PALLD: variants seen among roughly 807,000 people sequenced by gnomAD.
The protein encoded by PALLD is palladin, cytoskeletal associated protein, also known as palladin.
Under a neutral mutation model 123.5 loss-of-function variants are expected in PALLD, and 61 were observed. That is an observed-to-expected ratio of 0.49 (90% CI 0.40 to 0.61). The LOEUF is 0.61. Ranked by LOEUF, PALLD falls within the 20% of genes least tolerant of loss-of-function variation. The pLI is 0.00. For missense variants in PALLD, 1,273 were observed against 1,377.0 expected (o/e 0.92, Z 1.20); for synonymous variants, 465 against 496.4 (o/e 0.94, Z 0.84).
At chr4:168,923,660 G>A (rs1762020418) in intron 18 of PALLD, among the ~76,000 whole-genome samples, 1 of 151,784 alleles carries the variant, frequency 6.6e-6, no homozygotes, top group Non-Finnish European at 1.5e-5. Context: ...ATACAAAGTG[G>A]AATTTGTAAT....
chr4:168,678,454 G>T (rs538947487), intron 3 of PALLD, among the ~76,000 whole-genome samples: 1 of 152,272 alleles, frequency 6.6e-6, no homozygotes, highest in South Asian at 2.1e-4. Flanking sequence ...AAACAAGAAC[G>T]CTGGGAGTTC....
intron 10 of PALLD, among the ~76,000 whole-genome samples, chr4:168,845,705 T>C (rs1355346484): frequency 6.6e-6 from 1 of 152,070 alleles, no homozygotes; most frequent in Non-Finnish European, 1.5e-5. Flanking sequence ...GTTGTTAGAG[T>C]TTAAGAGATT....
intron 3 of PALLD, among the ~76,000 whole-genome samples, chr4:168,679,490 GTGGGGTGTGTGTGTTTGT>G (rs1781326402): frequency 7.8e-6 from 1 of 127,588 alleles, no homozygotes; most frequent in South Asian, 2.6e-4. Flanking sequence ...GTGGTGTGTG[GTGGGGTGTGTGTGTTTGT>G]GTGTGGTGGG....
chr4:168,884,348 C>G (rs1753048630), intron 10 of PALLD, among the ~76,000 whole-genome samples: 1 of 152,200 alleles, frequency 6.6e-6, no homozygotes. Context: ...CCTCTTTCCT[C>G]AGGGTTCACA....
chr4:168,699,378 C>T (rs1783459092), intron 8 of PALLD, among the ~76,000 whole-genome samples: 1 of 152,128 alleles, frequency 6.6e-6, no homozygotes, highest in Non-Finnish European at 1.5e-5. Flanking sequence ...TGCACCCAGC[C>T]TCCTGTGCAA....
chr4:168,925,038 AGCAGGGATTGTGTCCTGTACT>A lies in PALLD; in HGVS notation c.3321_3341del (p.Gly1108_Ala1114del). 1 of 1,614,140 alleles carries A rather than the reference AGCAGGGATTGTGTCCTGTACT, an allele frequency of 6.2e-7. No individual in the cohort carries two copies. Among genetic ancestry groups the A allele is most frequent in the Non-Finnish European group, 8.5e-7 (1 of 1,179,984 alleles). On this transcript the variant is annotated inframe_deletion, in exon 20 of 22. Coordinates refer to ENST00000505667, the MANE Select transcript of PALLD (RefSeq NM_001166108.2). ...GGTATACTGTGTCAGCCAAGAATGA[AGCAGGGATTGTGTCCTGTACT>A]GCCAGGCTGGACGTTTACAGTGAGT...
chr4:168,776,127 C>T (rs540708223), intron 10 of PALLD, among the ~76,000 whole-genome samples: 40 of 152,272 alleles, frequency 2.6e-4, no homozygotes, highest in Non-Finnish European at 4.6e-4. Flanking sequence ...ATTTGAGGAA[C>T]GTTGACATCT....
intron 2 of PALLD, among the ~76,000 whole-genome samples, chr4:168,608,897 T>A (rs567343192): frequency 6.6e-6 from 1 of 151,164 alleles, no homozygotes. Flanking sequence ...ACTGGAATCA[T>A]TGCAGTTTTC....
intron 2 of PALLD, among the ~76,000 whole-genome samples, chr4:168,610,390 TA>T (rs1773613242): frequency 6.6e-6 from 1 of 152,210 alleles, no homozygotes; most frequent in Non-Finnish European, 1.5e-5. Context: ...TCTCTGGGCT[TA>T]ATCACTTCAT....
At chr4:168,497,815 A>C (rs926587312) in intron 1 of PALLD, among the ~76,000 whole-genome samples, 5 of 152,230 alleles carry the variant, frequency 3.3e-5, no homozygotes, top group African/African-American at 1.2e-4. Context: ...AGTCCAGTCA[A>C]GTTTAAACAT....
intron 10 of PALLD, among the ~76,000 whole-genome samples, chr4:168,873,765 C>T (rs1751385929): frequency 6.6e-6 from 1 of 152,218 alleles, no homozygotes; most frequent in South Asian, 2.1e-4. Context: ...ATTACTTGAC[C>T]TCACTAACTG....
chr4:168,543,277 G>C (rs1213183383), intron 2 of PALLD, among the ~76,000 whole-genome samples: 4 of 151,682 alleles, frequency 2.6e-5, no homozygotes, highest in African/African-American at 9.7e-5. Context: ...AAGTAATTAG[G>C]ATAACACATG....
intron 2 of PALLD, among the ~76,000 whole-genome samples, chr4:168,549,276 A>T (rs1203576332): frequency 6.6e-6 from 1 of 152,130 alleles, no homozygotes; most frequent in Non-Finnish European, 1.5e-5. Context: ...AAAAAAAAAA[A>T]AAATTAGTAT....
At chr4:168,526,061 T>C (rs2149468123) in intron 2 of PALLD, among the ~76,000 whole-genome samples, 1 of 152,336 alleles carries the variant, frequency 6.6e-6, no homozygotes, top group East Asian at 1.9e-4. Context: ...TTTAGCTCTT[T>C]GGAATTGGAA....
At chr4:168,829,004 T>G (rs961121368) in intron 10 of PALLD, 1 of 152,274 alleles carries the variant, frequency 6.6e-6, no homozygotes, top group South Asian at 2.1e-4. Context: ...GATCAGAATC[T>G]TCAGTGTTCA....
At chr4:168,689,142 T>C (rs1782366592) in intron 6 of PALLD, among the ~76,000 whole-genome samples, 1 of 152,254 alleles carries the variant, frequency 6.6e-6, no homozygotes, top group Non-Finnish European at 1.5e-5. Flanking sequence ...GTCTATCAAA[T>C]GTCTTCTCAG....
At chr4:168,628,599 C>CT (rs1470863966) in intron 2 of PALLD, among the ~76,000 whole-genome samples, 3 of 152,190 alleles carry the variant, frequency 2.0e-5, no homozygotes, top group Admixed American at 6.5e-5. Flanking sequence ...CACTGACTCC[C>CT]TTACCATGAT....
intron 10 of PALLD, among the ~76,000 whole-genome samples, chr4:168,754,760 T>A (rs1336620615): frequency 2.0e-5 from 3 of 152,212 alleles, no homozygotes; most frequent in African/African-American, 7.2e-5. Context: ...GTTCAAAGAA[T>A]GCCTAGTGTG....
chr4:168,586,521 C>G (rs981138915), intron 2 of PALLD, among the ~76,000 whole-genome samples: 6 of 152,096 alleles, frequency 3.9e-5, no homozygotes, highest in Admixed American at 6.6e-5. Flanking sequence ...CCTCTCTTTA[C>G]TTTAGAACTG....
Sources: allele counts gnomAD v4.1 joint callset (sites outside exome capture counted in the v4.1 genomes callset), GRCh38; gene constraint gnomAD v4.1.1; transcripts MANE v1.5; gene names NCBI Gene and HGNC (gene_info 2026-07-23, HGNC 2026-07-21).